KCNMA1: variants seen among roughly 807,000 people sequenced by gnomAD.
KCNMA1 encodes the protein Calcium-activated potassium channel subunit alpha-1.
Under a neutral mutation model 140.0 loss-of-function variants are expected in KCNMA1, and 29 were observed. The observed-to-expected ratio is 0.21, with a 90% CI of 0.15 to 0.28. The LOEUF is 0.28. Ranked by LOEUF, KCNMA1 falls within the 10% of genes least tolerant of loss-of-function variation. The pLI, the probability that KCNMA1 is intolerant of heterozygous loss-of-function variation, is 1.00. For missense variants in KCNMA1, 880 were observed against 1,602.2 expected, an observed-to-expected ratio of 0.55 and a Z score of 7.70; for synonymous variants, 612 against 611.9, an observed-to-expected ratio of 1.00 and a Z score of 0.00.
At position 77,157,146 on chromosome 10, in the gene KCNMA1, T is replaced by A. The variant is rs781140204; in HGVS notation, c.808+26275A>T. Among the ~76,000 whole-genome samples the A allele has an allele frequency of 2.2e-3, 329 of 152,232 alleles. 2 individuals carry two copies. The highest frequency in any genetic ancestry group is 3.4e-3 in the Non-Finnish European group (232 of 68,008). On this transcript the variant is annotated intron_variant, in intron 5 of 27. Transcript: ENST00000286628. The stretch of plus-strand genomic sequence containing the variant: ...GCTTAAACTTAACAGTTTTATTTTT[T>A]AAAAAAACATGTAGGCCAGGCACAG...
intron 4 of KCNMA1, 127 bp from the exon 5 acceptor site, chr10:77,183,659 G>A: frequency 1.4e-6 from 1 of 706,218 alleles, no homozygotes; most frequent in East Asian, 2.7e-5. Flanking sequence ...GCTAATTTTT[G>A]TATTTTTAGT....
intron 1 of KCNMA1, among the ~76,000 whole-genome samples, chr10:77,542,360 T>C (rs1235960488): frequency 1.3e-5 from 2 of 152,206 alleles, no homozygotes; most frequent in African/African-American, 4.8e-5. Flanking sequence ...CCTGAGAATA[T>C]GACAGAATCC....
At chr10:77,164,004 T>C (rs983080324) in intron 5 of KCNMA1, among the ~76,000 whole-genome samples, 5 of 152,144 alleles carry the variant, frequency 3.3e-5, no homozygotes, top group African/African-American at 9.7e-5. Flanking sequence ...TTCCTGGGCA[T>C]CCCCAGGCCC....
intron 1 of KCNMA1, among the ~76,000 whole-genome samples, chr10:77,546,294 C>T (rs903380950): frequency 2.6e-5 from 4 of 152,126 alleles, no homozygotes; most frequent in Non-Finnish European, 5.9e-5. Context: ...CCCTCCTCCA[C>T]TGAATTCCCA....
intron 20 of KCNMA1, among the ~76,000 whole-genome samples, chr10:76,960,579 C>T (rs1261472367): frequency 6.1e-5 from 8 of 131,140 alleles, no homozygotes; most frequent in African/African-American, 2.0e-4. Flanking sequence ...TCATGTTATT[C>T]AACTTTGCTG....
chr10:77,318,093 A>T lies in KCNMA1; in HGVS notation c.541-66837T>A, dbSNP rs145649435. Among the ~76,000 whole-genome samples the T allele has an allele frequency of 2.0e-5, 3 of 152,286 alleles. No homozygotes were observed. The East Asian group carries it at 5.8e-4, about 29-fold the overall frequency. ...CTAAGTGTCTCATACTATCTCGTGT[A>T]ATTACCATAGGCTCAGTGATGGAGG... On this transcript the variant is annotated intron_variant, in intron 2 of 27. Transcript: ENST00000286628.
At chr10:77,077,875 A>G (rs1276471846) in intron 13 of KCNMA1, 1 of 152,220 alleles carries the variant, frequency 6.6e-6, no homozygotes, top group Non-Finnish European at 1.5e-5. Flanking sequence ...TTTTCCAGAG[A>G]CAAACAGGCG....
chr10:77,009,046 A>G (rs2090030560), intron 18 of KCNMA1, among the ~76,000 whole-genome samples: 1 of 152,118 alleles, frequency 6.6e-6, no homozygotes, highest in African/African-American at 2.4e-5. Context: ...TGGCCTTTTA[A>G]TTAGTAGGAG....
intron 19 of KCNMA1, among the ~76,000 whole-genome samples, chr10:76,991,757 G>A (rs902917974): frequency 6.6e-6 from 1 of 152,164 alleles, no homozygotes; most frequent in Admixed American, 6.5e-5. Context: ...GACCTTGGAG[G>A]GAGGGAAGGC....
chr10:76,951,141 G>A (rs1193904126), intron 21 of KCNMA1, among the ~76,000 whole-genome samples: 1 of 152,166 alleles, frequency 6.6e-6, no homozygotes, highest in East Asian at 1.9e-4. Context: ...GAATAGGGAG[G>A]TGGGGAAGGC....
intron 19 of KCNMA1, among the ~76,000 whole-genome samples, chr10:76,979,243 G>A (rs1048699213): frequency 2.6e-5 from 4 of 152,162 alleles, no homozygotes; most frequent in African/African-American, 9.7e-5. Context: ...TTTACAAATT[G>A]TCAGGCATCC....
intron 6 of KCNMA1, among the ~76,000 whole-genome samples, chr10:77,116,341 A>G (rs1252681454): frequency 6.6e-6 from 1 of 152,136 alleles, no homozygotes. Flanking sequence ...TGGATGCTGC[A>G]AGAGAAGGTC....
chr10:77,194,631 G>GT (rs2039818778), intron 3 of KCNMA1, among the ~76,000 whole-genome samples: 2 of 152,172 alleles, frequency 1.3e-5, no homozygotes, highest in South Asian at 4.2e-4. Context: ...TGCCTGAGAC[G>GT]TATCTCTTTC....
intron 6 of KCNMA1, among the ~76,000 whole-genome samples, chr10:77,118,557 T>C (rs571370442): frequency 2.4e-4 from 37 of 152,356 alleles, no homozygotes; most frequent in African/African-American, 8.9e-4. Context: ...CCAAGTGTTA[T>C]GCTCTCACAC....
intron 1 of KCNMA1, among the ~76,000 whole-genome samples, chr10:77,539,738 C>A (rs1488413243): frequency 6.6e-6 from 1 of 152,190 alleles, no homozygotes; most frequent in Non-Finnish European, 1.5e-5. Context: ...GTGCACCACC[C>A]ACCAATGCAA....
intron 1 of KCNMA1, among the ~76,000 whole-genome samples, chr10:77,417,926 C>T (rs539258344): frequency 1.3e-5 from 2 of 152,332 alleles, no homozygotes; most frequent in East Asian, 3.9e-4. Context: ...GGATCTACCG[C>T]TCCGAGCACA....
chr10:77,568,199 A>C (rs1292717608), intron 1 of KCNMA1, among the ~76,000 whole-genome samples: 1 of 152,150 alleles, frequency 6.6e-6, no homozygotes, highest in Non-Finnish European at 1.5e-5. Context: ...ATTCCAATCA[A>C]TAGAAAAAGA....
intron 7 of KCNMA1, among the ~76,000 whole-genome samples, chr10:77,111,133 C>A (rs1471265623): frequency 2.0e-5 from 3 of 152,244 alleles, no homozygotes; most frequent in African/African-American, 7.2e-5. Context: ...AGTTTCCCCA[C>A]TTTCCTGTCC....
intron 5 of KCNMA1, among the ~76,000 whole-genome samples, chr10:77,178,849 G>A (rs987961838): frequency 3.3e-5 from 5 of 152,188 alleles, no homozygotes; most frequent in African/African-American, 1.2e-4. Flanking sequence ...CTCAAAATAA[G>A]ATAAAGCTCT....
Sources: gnomAD v4.1 joint callset for allele counts (sites outside exome capture counted in the v4.1 genomes callset) on GRCh38, gnomAD v4.1.1 for gene constraint, MANE v1.5 for transcripts, NCBI Gene and HGNC (gene_info 2026-07-23, HGNC 2026-07-21) for gene names.